Variants in RALGPS2 observed in about 807,000 individuals in gnomAD.
RALGPS2 encodes the protein ras-specific guanine nucleotide-releasing factor RalGPS2.
Under a neutral mutation model 86.8 loss-of-function variants are expected in RALGPS2, and 43 were observed. The ratio of observed to expected loss-of-function variants is 0.50; its 90% CI spans 0.39 to 0.64. RALGPS2 has a LOEUF of 0.64. Ranked by LOEUF, RALGPS2 falls within the 30% of genes least tolerant of loss-of-function variation. RALGPS2 has a pLI of 0.00. For synonymous variants in RALGPS2, 243 were observed against 231.3 expected, an observed-to-expected ratio of 1.05 and a Z score of -0.46; for missense variants, 536 against 694.6, an observed-to-expected ratio of 0.77 and a Z score of 2.57.
chr1:178,819,853 CTG>C (rs1215749756), intron 6 of RALGPS2, among the ~76,000 whole-genome samples: 1 of 152,186 alleles, frequency 6.6e-6, no homozygotes, highest in African/African-American at 2.4e-5. Context: ...TCATCTCTCA[CTG>C]TAGTCTCTGA....
chr1:178,765,211 G>T (rs1652438881), intron 1 of RALGPS2, among the ~76,000 whole-genome samples: 1 of 150,928 alleles, frequency 6.6e-6, no homozygotes, highest in Admixed American at 6.6e-5. Flanking sequence ...CTGGAGTTCA[G>T]TGGTGCAGTA....
intron 18 of RALGPS2, among the ~76,000 whole-genome samples, chr1:178,905,798 TGTCA>T (rs1375090879): frequency 2.0e-5 from 3 of 152,212 alleles, no homozygotes; most frequent in Non-Finnish European, 4.4e-5. Context: ...CCTCATTATA[TGTCA>T]GTCTTGAATT....
intron 8 of RALGPS2, chr1:178,865,244 T>C (rs1477236817): frequency 1.2e-6 from 2 of 1,614,098 alleles, no homozygotes; most frequent in East Asian, 4.5e-5. Flanking sequence ...GGAAGCGTAT[T>C]TCACCTCTAG....
At chr1:178,801,320 T>C (rs1654462575) in intron 4 of RALGPS2, among the ~76,000 whole-genome samples, 1 of 152,138 alleles carries the variant, frequency 6.6e-6, no homozygotes, top group Non-Finnish European at 1.5e-5. Flanking sequence ...TTTAATCTAC[T>C]GTGTTTTAAA....
At chr1:178,879,240 C>G (rs1227160232) in intron 10 of RALGPS2, 1 of 331,056 alleles carries the variant, frequency 3.0e-6, no homozygotes, top group African/African-American at 2.1e-5. Context: ...TTTGATAGTT[C>G]TAATTTAAAT....
At chr1:178,885,304 G>T (rs1475925629) in intron 12 of RALGPS2, 93 bp downstream of exon 12, 1 of 1,247,012 alleles carries the variant, frequency 8.0e-7, no homozygotes, top group Non-Finnish European at 1.1e-6. Flanking sequence ...TGGTATCCTT[G>T]AATAGTTTTC....
Position 178,919,791 on chromosome 1 carries a change from G to A in RALGPS2, c.*3432G>A, listed in dbSNP as rs1441912899. 2 of 151,966 alleles carry A rather than the reference G, an allele frequency of 1.3e-5. No homozygotes were observed. The highest frequency in any genetic ancestry group is 2.9e-5 in the Non-Finnish European group (2 of 67,906). 9.4% of individuals were successfully genotyped at this position (151,966 alleles called of 1,614,324 possible). On this transcript the variant is annotated 3_prime_UTR_variant, in exon 20 of 20. Transcript: ENST00000367635. The stretch of plus-strand genomic sequence containing the variant: ...TTTGAGGCACATTCCTTTACAACCA[G>A]TGTTTAAACCACCACGTAATCATCT...
At chr1:178,850,284 GA>G (rs904973605) in intron 8 of RALGPS2, 1 of 152,194 alleles carries the variant, frequency 6.6e-6, no homozygotes, top group African/African-American at 2.4e-5. Context: ...CAGTAAATTA[GA>G]AAAAAAGTAA....
chr1:178,804,323 T>A lies in RALGPS2; in HGVS notation c.214-3722T>A, dbSNP rs547786629. 4.9e-3 allele frequency among the ~76,000 whole-genome samples: 726 copies of A among 147,610 alleles called. 4 individuals carry two copies. Among genetic ancestry groups the A allele is most frequent in the Non-Finnish European group, 7.9e-3 (526 of 66,790 alleles). On this transcript the variant is annotated intron_variant, in intron 4 of 19. Transcript: ENST00000367635. The stretch of plus-strand genomic sequence containing the variant: ...TTAAGTTTTAGGGTACATGTGCACA[T>A]TGTGCAGGTTAGTTACATATGTATA...
chr1:178,817,888 ATTGT>A (rs1408692894), intron 6 of RALGPS2, among the ~76,000 whole-genome samples: 17 of 152,120 alleles, frequency 1.1e-4, no homozygotes, highest in African/African-American at 3.9e-4. Flanking sequence ...TCATTTTCTA[ATTGT>A]TTGGTGCTAC....
intron 4 of RALGPS2, among the ~76,000 whole-genome samples, chr1:178,796,923 A>G (rs1024183360): frequency 2.0e-5 from 3 of 152,196 alleles, no homozygotes; most frequent in Non-Finnish European, 2.9e-5. Context: ...GCCTTTATAT[A>G]TGATTTACTA....
intron 1 of RALGPS2, among the ~76,000 whole-genome samples, chr1:178,759,012 C>T (rs2102060535): frequency 6.6e-6 from 1 of 152,082 alleles, no homozygotes; most frequent in Non-Finnish European, 1.5e-5. Context: ...ATATTTTCTT[C>T]CATTCTGTAA....
Position 178,776,825 on chromosome 1 carries a change from A to G in RALGPS2, c.57+4A>G. On this transcript the variant is annotated splice_donor_region_variant and intron_variant, in intron 2 of 19. Coordinates refer to ENST00000367635, the MANE Select transcript of RALGPS2 (RefSeq NM_152663.5). ...TATTGCAGCTACTGCTTCTGAGGTA[A>G]GATATTTAAGAAGCTTGGGTGTAAA... is the stretch of plus-strand genomic sequence containing the variant. 1 of 1,611,182 alleles carries G rather than the reference A, an allele frequency of 6.2e-7. No homozygotes were observed. The highest frequency in any genetic ancestry group is 8.5e-7 in the Non-Finnish European group (1 of 1,178,168).
At chr1:178,801,510 A>G (rs1444733941) in intron 4 of RALGPS2, among the ~76,000 whole-genome samples, 1 of 152,140 alleles carries the variant, frequency 6.6e-6, no homozygotes, top group African/African-American at 2.4e-5. Flanking sequence ...AGTATGGTGG[A>G]TTGTGGCTTC....
At chr1:178,882,396 AC>A (rs1019587719) in intron 10 of RALGPS2, among the ~76,000 whole-genome samples, 2 of 152,236 alleles carry the variant, frequency 1.3e-5, no homozygotes, top group African/African-American at 4.8e-5. Flanking sequence ...AATATTTGTC[AC>A]ATGAATGAAT....
chr1:178,831,621 C>T (rs530969486), intron 7 of RALGPS2, among the ~76,000 whole-genome samples: 9 of 147,748 alleles, frequency 6.1e-5, no homozygotes, highest in South Asian at 2.2e-4. Context: ...GTATTTTGTC[C>T]GCCCCGCCCC....
intron 1 of RALGPS2, chr1:178,747,056 G>C: frequency 1.1e-6 from 1 of 870,918 alleles, no homozygotes; most frequent in Non-Finnish European, 2.0e-6. Flanking sequence ...AATCTCAGTT[G>C]ATCTGGGGTC....
At chr1:178,855,051 A>G (rs1317005670) in intron 8 of RALGPS2, among the ~76,000 whole-genome samples, 1 of 152,166 alleles carries the variant, frequency 6.6e-6, no homozygotes, top group Admixed American at 6.5e-5. Context: ...TTTATATTTT[A>G]CTAGAAATAT....
chr1:178,838,524 C>T (rs1230506983), intron 8 of RALGPS2, among the ~76,000 whole-genome samples: 1 of 152,152 alleles, frequency 6.6e-6, no homozygotes, highest in Non-Finnish European at 1.5e-5. Flanking sequence ...ATCTATATGT[C>T]ACCATCATCA....
Sources: allele counts gnomAD v4.1 joint callset (sites outside exome capture counted in the v4.1 genomes callset), GRCh38; gene constraint gnomAD v4.1.1; transcripts MANE v1.5; gene names NCBI Gene and HGNC (gene_info 2026-07-23, HGNC 2026-07-21).